RPS6KA6: variants seen among roughly 807,000 people sequenced by gnomAD.
The protein encoded by RPS6KA6 is ribosomal protein S6 kinase alpha-6.
A neutral mutation model predicts 65.4 loss-of-function variants in RPS6KA6; 27 were observed. The observed-to-expected ratio is 0.41, with a 90% CI of 0.30 to 0.57. RPS6KA6 has a LOEUF of 0.57. Among genes scored for constraint, RPS6KA6 ranks in the 20% least tolerant of loss-of-function variants. The pLI is 0.24. For missense variants in RPS6KA6, 486 were observed against 555.6 expected (o/e 0.87, Z 1.26); for synonymous variants, 190 against 184.2 (o/e 1.03, Z -0.26).
chrX:84,157,426 G>A (rs919189558), intron 2 of RPS6KA6, among the ~76,000 whole-genome samples: 1 of 111,409 alleles, frequency 9.0e-6, no homozygotes, highest in Non-Finnish European at 1.9e-5. Flanking sequence ...AAAATCAATC[G>A]GCTATGGAAG....
chrX:84,111,803 G>A (rs1358254411), intron 12 of RPS6KA6, among the ~76,000 whole-genome samples: 2 of 108,665 alleles, frequency 1.8e-5, no homozygotes, highest in Non-Finnish European at 3.8e-5. Context: ...CAACTAGCTA[G>A]CAAATTATGA....
intron 20 of RPS6KA6, among the ~76,000 whole-genome samples, chrX:84,093,267 C>G (rs1364376370): frequency 1.8e-5 from 2 of 111,951 alleles, no homozygotes; most frequent in Non-Finnish European, 3.8e-5. Context: ...AATAAATAAT[C>G]TATGTCTGAT....
rs1555956239 is a variant in RPS6KA6 at position 84,150,874 on chromosome X, G to GATATATATAGGAT, written c.259-2752_259-2751insATCCTATATATAT. Among the ~76,000 whole-genome samples, 5 of 92,336 alleles carry GATATATATAGGAT rather than the reference G, an allele frequency of 5.4e-5. No individual in the cohort carries two copies. In the East Asian group the frequency reaches 1.6e-3, roughly 30 times the overall value. The allele number at this position is 92,336 out of a possible 115,157, so 80.2% of individuals were successfully genotyped here. On this transcript the variant is annotated intron_variant, in intron 3 of 21. Coordinates refer to ENST00000262752, the MANE Select transcript of RPS6KA6 (RefSeq NM_014496.5). ...ATATATATATAGAGGATATATATAGGATATATATATATAGAGGATATATAT... is the reference window on the plus strand; with the variant it reads ...ATATATATATAGAGGATATATATAGGATATATATAGGATATATATATATATAGAGGATATATAT...
At chrX:84,131,195 T>C (rs770454543) in intron 8 of RPS6KA6, among the ~76,000 whole-genome samples, 6 of 111,655 alleles carry the variant, frequency 5.4e-5, no homozygotes, top group Non-Finnish European at 9.4e-5. Context: ...TTTTAATATA[T>C]GTAAAGTATA....
intron 1 of RPS6KA6, among the ~76,000 whole-genome samples, chrX:84,175,619 T>C (rs1017289009): frequency 1.8e-5 from 2 of 111,126 alleles, no homozygotes; most frequent in Admixed American, 9.7e-5. Flanking sequence ...CGGGTATTAA[T>C]ATATTAGAAA....
intron 8 of RPS6KA6, among the ~76,000 whole-genome samples, chrX:84,130,124 G>A (rs1036534970): frequency 6.3e-5 from 7 of 110,548 alleles, no homozygotes; most frequent in Non-Finnish European, 9.5e-5. Flanking sequence ...ATATATACAC[G>A]TATGTACCCA....
At chrX:84,169,949 T>A (rs2035654510) in intron 1 of RPS6KA6, among the ~76,000 whole-genome samples, 1 of 110,352 alleles carries the variant, frequency 9.1e-6, no homozygotes, top group African/African-American at 3.3e-5. Flanking sequence ...GGCAGGTGCA[T>A]CACCTGAGAT....
intron 13 of RPS6KA6, 78 bp from the exon 14 acceptor site, chrX:84,107,118 A>C: frequency 2.4e-6 from 2 of 830,191 alleles, no homozygotes; most frequent in Non-Finnish European, 3.4e-6. Context: ...TTCTTTAACT[A>C]TAAAGGAAAC....
At chrX:84,108,436 A>G (rs919739152) in intron 12 of RPS6KA6, among the ~76,000 whole-genome samples, 1 of 111,883 alleles carries the variant, frequency 8.9e-6, no homozygotes, top group South Asian at 3.7e-4. Flanking sequence ...TGACACTTCA[A>G]GTAGATTTTC....
intron 20 of RPS6KA6, among the ~76,000 whole-genome samples, chrX:84,070,580 C>T (rs2033521827): frequency 9.0e-6 from 1 of 110,634 alleles, no homozygotes; most frequent in Non-Finnish European, 1.9e-5. Flanking sequence ...AAAAACTGTT[C>T]TAATATAGAA....
At chrX:84,155,109 G>A (rs538140623) in intron 3 of RPS6KA6, among the ~76,000 whole-genome samples, 43 of 110,338 alleles carry the variant, frequency 3.9e-4, no homozygotes, top group African/African-American at 1.3e-3. Context: ...AGCTGGGGAT[G>A]AAGGATCACT....
intron 8 of RPS6KA6, among the ~76,000 whole-genome samples, chrX:84,134,554 G>A (rs1472265170): frequency 9.0e-6 from 1 of 110,848 alleles, no homozygotes; most frequent in East Asian, 2.8e-4. Flanking sequence ...CCTAGAAAAC[G>A]ATCATTTCTT....
chrX:84,167,332 AAAG>A (rs1327212555), intron 1 of RPS6KA6, among the ~76,000 whole-genome samples: 2 of 112,211 alleles, frequency 1.8e-5, no homozygotes, highest in African/African-American at 6.5e-5. Context: ...GAGTGGATAA[AAAG>A]AATACTACTT....
intron 20 of RPS6KA6, among the ~76,000 whole-genome samples, chrX:84,074,689 C>T (rs1602375390): frequency 9.0e-6 from 1 of 111,207 alleles, no homozygotes; most frequent in Non-Finnish European, 1.9e-5. Context: ...ACAAATTTGA[C>T]ATTAAGAAAA....
chrX:84,090,487 T>C (rs970535243), intron 20 of RPS6KA6, among the ~76,000 whole-genome samples: 2 of 101,439 alleles, frequency 2.0e-5, no homozygotes, highest in Admixed American at 2.2e-4. Flanking sequence ...CACACTGCTA[T>C]GAAGACAGAC....
At chrX:84,086,470 G>A (rs745689788) in intron 20 of RPS6KA6, among the ~76,000 whole-genome samples, 1 of 111,766 alleles carries the variant, frequency 8.9e-6, no homozygotes, top group African/African-American at 3.2e-5. Context: ...GTGGTTTTGA[G>A]TAAATATCTT....
intron 6 of RPS6KA6, among the ~76,000 whole-genome samples, chrX:84,140,733 CAA>C (rs776505772): frequency 3.4e-4 from 14 of 41,787 alleles, no homozygotes; most frequent in East Asian, 9.9e-4. Context: ...GACTCCATCT[CAA>C]AAAAAAAAAA....
chrX:84,148,214 T>C (rs762912430), intron 3 of RPS6KA6, 91 bp from the exon 4 acceptor site: 3 of 480,339 alleles, frequency 6.2e-6, no homozygotes, highest in Admixed American at 4.1e-5. Flanking sequence ...ACTTATATCC[T>C]TGCATTTTCT....
intron 20 of RPS6KA6, among the ~76,000 whole-genome samples, chrX:84,071,770 C>T (rs1184236740): frequency 9.0e-6 from 1 of 110,996 alleles, no homozygotes; most frequent in Non-Finnish European, 1.9e-5. Flanking sequence ...ACAACTGATA[C>T]CACAGATATA....
Sources: gnomAD v4.1 joint callset for allele counts (sites outside exome capture counted in the v4.1 genomes callset) on GRCh38, gnomAD v4.1.1 for gene constraint, MANE v1.5 for transcripts, NCBI Gene and HGNC (gene_info 2026-07-23, HGNC 2026-07-21) for gene names.